The following VAV3 variants were observed in gnomAD, a reference collection of about 807,000 sequenced individuals.
VAV3 encodes vav guanine nucleotide exchange factor 3.
Under a neutral mutation model 131.2 loss-of-function variants are expected in VAV3, and 94 were observed. That is an observed-to-expected ratio of 0.72 (90% confidence interval 0.61 to 0.85). The LOEUF (loss-of-function observed/expected upper bound fraction) is 0.85. VAV3 is among the 40% of genes least tolerant of loss of function. The pLI is 0.00. For synonymous variants in VAV3, 349 were observed against 342.0 expected (o/e 1.02, Z -0.22); for missense variants, 939 against 1,002.7 (o/e 0.94, Z 0.86).
chr1:107,722,599 T>C (rs928777207), intron 15 of VAV3, among the ~76,000 whole-genome samples: 3 of 152,230 alleles, frequency 2.0e-5, no homozygotes, highest in Admixed American at 1.3e-4. Flanking sequence ...CCAAACAATG[T>C]CCAATAAGAA....
At chr1:107,699,712 T>C (rs1271487423) in intron 17 of VAV3, among the ~76,000 whole-genome samples, 2 of 151,784 alleles carry the variant, frequency 1.3e-5, no homozygotes, top group African/African-American at 2.4e-5. Flanking sequence ...AAGCAGAGCT[T>C]CCCAAAGCTC....
chr1:107,675,525 AT>A (rs1658142003), intron 19 of VAV3, among the ~76,000 whole-genome samples: 1 of 152,180 alleles, frequency 6.6e-6, no homozygotes, highest in Non-Finnish European at 1.5e-5. Flanking sequence ...AATATGTTTA[AT>A]ACAGATAAAA....
Position 107,620,499 on chromosome 1 carries a change from G to C in VAV3, c.1915-2867C>G, listed in dbSNP as rs535279225. Reference sequence around the variant, plus strand: ...TACACGTAGCCTAGGTGTGTAGTAGGCTACACTATCTAGGTTTGTATAACT... The same window carrying C: ...TACACGTAGCCTAGGTGTGTAGTAGCCTACACTATCTAGGTTTGTATAACT... On this transcript the variant is annotated intron_variant, in intron 20 of 26. Transcript: ENST00000370056. Among the ~76,000 whole-genome samples the C allele has an allele frequency of 1.6e-4, 24 of 151,988 alleles. 1 individual carries two copies. In the South Asian group the frequency reaches 4.8e-3, roughly 30 times the overall value.
intron 18 of VAV3, 51 bp from the exon 19 acceptor site, chr1:107,683,584 C>G (rs772750346): frequency 6.3e-7 from 1 of 1,596,132 alleles, no homozygotes. Context: ...GGTAATTTTG[C>G]ACTATTAAAT....
At chr1:107,590,170 T>C (rs1650832644) in intron 25 of VAV3, among the ~76,000 whole-genome samples, 1 of 152,182 alleles carries the variant, frequency 6.6e-6, no homozygotes, top group East Asian at 1.9e-4. Flanking sequence ...CCTTTGTCAA[T>C]CTTTGAAGAA....
chr1:107,766,362 T>TA lies in VAV3; in HGVS notation c.821+84dup, dbSNP rs532610902. ...CAGGTAGTAATGTAATAAACAGCAG[T>TA]AATAGCTATTTGTTAGCTATTTTAA... On this transcript the variant is annotated intron_variant, in intron 8 of 26. Coordinates refer to ENST00000370056, the MANE Select transcript of VAV3 (RefSeq NM_006113.5). 2.0e-4 allele frequency: 168 copies of TA among 837,172 alleles called. 2 individuals carry two copies. In the South Asian group the frequency reaches 2.6e-3, roughly 13 times the overall value. The allele number at this position is 837,172 out of a possible 1,614,324, so 51.9% of individuals were successfully genotyped here. A position where few individuals can be genotyped will look rare whatever the true frequency, so the allele number is the denominator to read the frequency against.
At chr1:107,658,932 G>C (rs1055781388) in intron 19 of VAV3, among the ~76,000 whole-genome samples, 27 of 152,076 alleles carry the variant, frequency 1.8e-4, no homozygotes, top group African/African-American at 6.3e-4. Flanking sequence ...TTCTTTTGCT[G>C]TGCAGAAGCT....
chr1:107,800,725 CTT>C (rs1666789307), intron 2 of VAV3, among the ~76,000 whole-genome samples: 1 of 152,074 alleles, frequency 6.6e-6, no homozygotes, highest in African/African-American at 2.4e-5. Context: ...TTGTTAATCT[CTT>C]GTTATATGGA....
At chr1:107,783,888 A>G (rs550554855) in intron 2 of VAV3, among the ~76,000 whole-genome samples, 1 of 140,896 alleles carries the variant, frequency 7.1e-6, no homozygotes, top group Admixed American at 7.0e-5. Flanking sequence ...CTCTACTAAA[A>G]ATACAAAAAA....
chr1:107,784,459 A>G (rs1053252837), intron 2 of VAV3, among the ~76,000 whole-genome samples: 2 of 152,218 alleles, frequency 1.3e-5, no homozygotes, highest in Non-Finnish European at 2.9e-5. Flanking sequence ...GATCTTTTCA[A>G]TTATGTGCAG....
At chr1:107,842,330 T>G (rs773224411) in intron 2 of VAV3, among the ~76,000 whole-genome samples, 3 of 152,212 alleles carry the variant, frequency 2.0e-5, no homozygotes, top group Non-Finnish European at 4.4e-5. Flanking sequence ...TCTGCACTGT[T>G]GGCCACAGTT....
chr1:107,658,487 T>C (rs1318196579), intron 19 of VAV3, among the ~76,000 whole-genome samples: 1 of 152,116 alleles, frequency 6.6e-6, no homozygotes, highest in Non-Finnish European at 1.5e-5. Flanking sequence ...CTGGGTCAAA[T>C]GGTATTTCTA....
chr1:107,734,758 G>C (rs1169315753), intron 15 of VAV3, among the ~76,000 whole-genome samples: 2 of 151,740 alleles, frequency 1.3e-5, no homozygotes, highest in Non-Finnish European at 1.5e-5. Context: ...CACAACAATA[G>C]GAGACTTTAA....
chr1:107,776,631 T>C (rs1294281095), intron 4 of VAV3, among the ~76,000 whole-genome samples: 1 of 152,222 alleles, frequency 6.6e-6, no homozygotes, highest in East Asian at 1.9e-4. Flanking sequence ...GCATAATCTA[T>C]TTCTTATTAT....
intron 19 of VAV3, among the ~76,000 whole-genome samples, chr1:107,680,070 T>C (rs1265618000): frequency 6.6e-6 from 1 of 152,138 alleles, no homozygotes; most frequent in Non-Finnish European, 1.5e-5. Context: ...ATCACAATTA[T>C]TAATAGGGAG....
chr1:107,615,413 G>T (rs1653071145), intron 21 of VAV3, among the ~76,000 whole-genome samples: 1 of 152,094 alleles, frequency 6.6e-6, no homozygotes, highest in South Asian at 2.1e-4. Flanking sequence ...CAGGACTGAA[G>T]GTGAACCCCT....
At chr1:107,922,379 G>GA (rs1672940518) in intron 1 of VAV3, among the ~76,000 whole-genome samples, 1 of 152,028 alleles carries the variant, frequency 6.6e-6, no homozygotes, top group East Asian at 1.9e-4. Flanking sequence ...GTTAAAAACT[G>GA]AAAGTCTATT....
chr1:107,642,286 T>C (rs1191232165), intron 20 of VAV3, among the ~76,000 whole-genome samples: 3 of 152,158 alleles, frequency 2.0e-5, no homozygotes, highest in African/African-American at 7.2e-5. Flanking sequence ...AAGTGACCTC[T>C]GGTCGTCCTC....
chr1:107,576,110 C>A (rs1013877404), intron 25 of VAV3, among the ~76,000 whole-genome samples: 1 of 152,050 alleles, frequency 6.6e-6, no homozygotes, highest in Non-Finnish European at 1.5e-5. Context: ...ATAGATTTTT[C>A]ATCCCCCTTT....
Sources: allele counts gnomAD v4.1 joint callset (sites outside exome capture counted in the v4.1 genomes callset), GRCh38; gene constraint gnomAD v4.1.1; transcripts MANE v1.5; gene names NCBI Gene and HGNC (gene_info 2026-07-23, HGNC 2026-07-21).